SHE: variants seen among roughly 807,000 people sequenced by gnomAD.
SHE encodes SH2 domain-containing adapter protein E.
In SHE, 11 loss-of-function variants were observed where a neutral mutation model predicts 49.8. That is an observed-to-expected ratio of 0.22 (90% confidence interval 0.14 to 0.37). The LOEUF (loss-of-function observed/expected upper bound fraction) is 0.37, where lower values mean the gene tolerates loss of function less well. Among genes scored for constraint, SHE ranks in the 10% least tolerant of loss-of-function variants. The pLI, the probability that SHE is intolerant of heterozygous loss-of-function variation, is 1.00. For synonymous variants in SHE, 310 were observed against 278.1 expected, an observed-to-expected ratio of 1.11 and a Z score of -1.14; for missense variants, 624 against 655.5, an observed-to-expected ratio of 0.95 and a Z score of 0.52.
intron 1 of SHE, among the ~76,000 whole-genome samples, chr1:154,501,184 T>C (rs6700296): frequency 0.51 from 76,923 of 152,046 alleles, 22,603 homozygotes; most frequent in East Asian, 0.76. Context: ...CAACGACTCT[T>C]CTAAACTGCT....
chr1:154,478,358 G>A (rs1336882720), downstream of SHE, among the ~76,000 whole-genome samples: 2 of 150,464 alleles, frequency 1.3e-5, no homozygotes, highest in Admixed American at 1.3e-4. Context: ...CCAAGGCCAG[G>A]CTGTGCAGCG....
chr1:154,484,513 A>C, intron 5 of SHE, 178 bp from the exon 6 acceptor site: 1 of 565,398 alleles, frequency 1.8e-6, no homozygotes, highest in Non-Finnish European at 3.1e-6. Flanking sequence ...TCACAGTCTA[A>C]ACGCATGTAA....
In SHE at chr1:154,480,076, C is replaced by T; in HGVS notation, c.*4073G>A. ...GGTGGAGGGTAAGTTGAACAGAAGG[C>T]CCACTGCACAGCAGGCCAAGTTTCT... On this transcript the variant is annotated 3_prime_UTR_variant, in exon 6 of 6. Transcript: ENST00000304760. The T allele has an allele frequency of 1.0e-6, 1 of 985,488 alleles. No individual in the cohort carries two copies. Among genetic ancestry groups the T allele is most frequent in the African/African-American group, 1.7e-5 (1 of 57,356 alleles). The allele number at this position is 985,488 out of a possible 1,614,324, so 61.0% of individuals were successfully genotyped here.
rs768486598 is a variant in SHE, at chr1:154,489,135, G to C, written c.940C>G (p.Leu314Val). The stretch of plus-strand genomic sequence containing the variant: ...GCGGGCCTCTCGTCGTTCTCGGGCA[G>C]CCGGCTGTCTGGGGGCCGCGCCTTC... Reference protein sequence around the residue: ...EGKARPPDSRLPENDERPAAE... With the variant: ...EGKARPPDSRVPENDERPAAE... The change falls in exon 3 of 6, where the codon CTG (leucine) becomes GTG (valine). Residue 314 changes from leucine (L) to valine (V), a missense_variant. Leu to Val is a conservative substitution (Grantham distance 32). Coordinates refer to ENST00000304760, the MANE Select transcript of SHE (RefSeq NM_001010846.3). 6.2e-6 allele frequency: 10 copies of C among 1,613,778 alleles called. No individual in the cohort carries two copies. Among genetic ancestry groups the C allele is most frequent in the African/African-American group, 2.7e-5 (2 of 74,930 alleles).
In SHE at chr1:154,501,543, G is replaced by C. The variant is rs1692748920; in HGVS notation, c.484C>G (p.Pro162Ala). 2 of 1,614,126 alleles carry C rather than the reference G, an allele frequency of 1.2e-6. No homozygotes were observed. The highest frequency in any genetic ancestry group is 2.2e-5 in the East Asian group (1 of 44,878). The change falls in exon 1 of 6, where the codon CCC becomes GCC. Residue 162 changes from proline (P) to alanine (A), a missense_variant. This residue lies in a region of SHE where 337 missense variants were observed against 306.0 expected (regional missense o/e 1.10). Transcript: ENST00000304760. ...CTGGAGCTGGAGCTACTGCTGCTGG[G>C]GTAGTTGCTCTTCCCGTTCTTCTCC... ...TQEKNGKSNY[P>A]SSSSSSSSSS...
At position 154,501,745 on chromosome 1, in the gene SHE, G is replaced by T; in HGVS notation, c.282C>A (p.Ala94=). 1 of 1,570,858 alleles carries T rather than the reference G, an allele frequency of 6.4e-7. No individual in the cohort carries two copies. The highest frequency in any genetic ancestry group is 8.6e-7 in the Non-Finnish European group (1 of 1,163,934). Residue 94 remains alanine (A), a synonymous_variant, in exon 1 of 6, where the codon GCC becomes GCA. Transcript: ENST00000304760. The part of the protein sequence containing the change: ...NSAAELGSGR[A]GVGPKDSRLS... ...GCCGGCTGTCCTTGGGGCCGACGCC[G>T]GCCCTGCCGCTCCCCAGCTCGGCCG... is the stretch of plus-strand genomic sequence containing the variant.
At chr1:154,478,812 C>T (rs1403280619), downstream of SHE, among the ~76,000 whole-genome samples, 7 of 152,146 alleles carry the variant, frequency 4.6e-5, no homozygotes. Flanking sequence ...ATGCAAACTT[C>T]CTCTTCTCTT....
At chr1:154,494,714 A>G (rs1390113586) in intron 2 of SHE, among the ~76,000 whole-genome samples, 2 of 152,110 alleles carry the variant, frequency 1.3e-5, no homozygotes, top group Admixed American at 1.3e-4. Context: ...TAATTTGAAC[A>G]AATTATTTAA....
At chr1:154,491,082 G>C (rs373611710) in intron 2 of SHE, among the ~76,000 whole-genome samples, 12 of 152,200 alleles carry the variant, frequency 7.9e-5, no homozygotes, top group African/African-American at 2.9e-4. Context: ...TGGTGATACA[G>C]AGTCTATATT....
intron 3 of SHE, among the ~76,000 whole-genome samples, chr1:154,488,555 G>T (rs1309632089): frequency 6.6e-6 from 1 of 151,204 alleles, no homozygotes; most frequent in African/African-American, 2.4e-5. Context: ...ACTGTGCCCG[G>T]CTTGGTTATA....
rs995619988 is a variant in SHE, at chr1:154,502,205, C to T, written c.-179G>A. The T allele has an allele frequency of 8.5e-6, 3 of 352,876 alleles. No individual in the cohort carries two copies. The highest frequency in any genetic ancestry group is 1.3e-5 in the Non-Finnish European group (3 of 222,608). 21.9% of individuals were successfully genotyped at this position (352,876 alleles called of 1,614,324 possible). A position where few individuals can be genotyped will look rare whatever the true frequency, so the allele number is the denominator to read the frequency against. ...GGCGACAGGCACGACGCGCGGGGGGCCCCGCCCGGGCTCGTCTTCAACGCC... is the reference window on the plus strand; with the variant it reads ...GGCGACAGGCACGACGCGCGGGGGGTCCCGCCCGGGCTCGTCTTCAACGCC... On this transcript the variant is annotated 5_prime_UTR_variant, in exon 1 of 6. Transcript: ENST00000304760.
chr1:154,478,444 A>C (rs1322225433), downstream of SHE, among the ~76,000 whole-genome samples: 8 of 145,236 alleles, frequency 5.5e-5, no homozygotes, highest in East Asian at 4.0e-4. Flanking sequence ...AAAAAAAAAA[A>C]AAAACACTCT....
intron 5 of SHE, 194 bp from the exon 6 acceptor site, chr1:154,484,529 G>T: frequency 1.8e-6 from 1 of 542,272 alleles, no homozygotes; most frequent in Non-Finnish European, 3.3e-6. Context: ...TGTAATCCTT[G>T]AGTGGTTTAT....
At chr1:154,493,960 G>A (rs1178130278) in intron 2 of SHE, among the ~76,000 whole-genome samples, 3 of 152,264 alleles carry the variant, frequency 2.0e-5, no homozygotes, top group South Asian at 2.1e-4. Context: ...TTATGGTGAG[G>A]CCAATTATTA....
In SHE at chr1:154,481,324, T is replaced by C. The variant is rs369251659; in HGVS notation, c.*2825A>G. ...CCTCTGACTTCCCACTAATTTACTA[T>C]ATTTCTTCTTATAACCTCCTGTACA... On this transcript the variant is annotated 3_prime_UTR_variant, in exon 6 of 6. Transcript: ENST00000304760. 14 of 985,456 alleles carry C rather than the reference T, an allele frequency of 1.4e-5. No individual in the cohort carries two copies. In the East Asian group the frequency reaches 1.5e-3, roughly 104 times the overall value. 61.0% of individuals were successfully genotyped at this position (985,456 alleles called of 1,614,324 possible).
chr1:154,493,025 T>C (rs1312861165), intron 2 of SHE, among the ~76,000 whole-genome samples: 2 of 152,218 alleles, frequency 1.3e-5, no homozygotes, highest in Non-Finnish European at 2.9e-5. Flanking sequence ...AAATGATGTA[T>C]AGTGATTAGA....
In SHE at chr1:154,483,277, T is replaced by C. The variant is rs143156168; in HGVS notation, c.*872A>G. On this transcript the variant is annotated 3_prime_UTR_variant, in exon 6 of 6. Coordinates refer to ENST00000304760, the MANE Select transcript of SHE (RefSeq NM_001010846.3). ...TTCTTGGAAAGGCTGACCAACAAAATAATCCTTAGGCCACACTCTGAAGTT... is the reference window on the plus strand; with the variant it reads ...TTCTTGGAAAGGCTGACCAACAAAACAATCCTTAGGCCACACTCTGAAGTT... 9.4e-5 allele frequency: 93 copies of C among 985,412 alleles called. No individual in the cohort carries two copies. In the East Asian group the frequency reaches 5.2e-3, roughly 55 times the overall value. 61.0% of individuals were successfully genotyped at this position (985,412 alleles called of 1,614,324 possible). A position where few individuals can be genotyped will look rare whatever the true frequency, so the allele number is the denominator to read the frequency against.
rs536479887 is a variant in SHE, at chr1:154,498,371, T to C, written c.718+741A>G. On this transcript the variant is annotated intron_variant, in intron 2 of 5. Transcript: ENST00000304760. The stretch of plus-strand genomic sequence containing the variant: ...TTGACCTCCCAAAGTGCTGGGATTA[T>C]AGGCGTGAGCCACTGCGCCTGGCCT... Among the ~76,000 whole-genome samples, 6 of 150,226 alleles carry C rather than the reference T, an allele frequency of 4.0e-5. No individual in the cohort carries two copies. In the South Asian group the frequency reaches 8.4e-4, roughly 21 times the overall value.
intron 2 of SHE, among the ~76,000 whole-genome samples, chr1:154,494,406 G>A (rs1004423441): frequency 2.7e-5 from 4 of 145,970 alleles, no homozygotes; most frequent in Non-Finnish European, 4.5e-5. Context: ...TAGAGATGGG[G>A]TCTCACTATA....
Sources: gnomAD v4.1 joint callset for allele counts (sites outside exome capture counted in the v4.1 genomes callset) on GRCh38, gnomAD v4.1.1 for gene constraint, gnomAD v4.1.1 regional missense constraint, MANE v1.5 for transcripts, NCBI Gene and HGNC (gene_info 2026-07-23, HGNC 2026-07-21) for gene names.